BICDL1: variants seen among roughly 807,000 people sequenced by gnomAD.
The protein encoded by BICDL1 is BICD family like cargo adaptor 1.
In BICDL1, 20 loss-of-function variants were observed where a neutral mutation model predicts 76.8. The ratio of observed to expected loss-of-function variants is 0.26; its 90% CI spans 0.18 to 0.38. BICDL1 has a LOEUF of 0.38. Ranked by LOEUF, BICDL1 falls within the 10% of genes least tolerant of loss-of-function variation. The pLI, the probability that BICDL1 is intolerant of heterozygous loss-of-function variation, is 1.00. For missense variants in BICDL1, 700 were observed against 798.6 expected (o/e 0.88, Z 1.49); for synonymous variants, 383 against 337.1 (o/e 1.14, Z -1.49).
intron 2 of BICDL1, among the ~76,000 whole-genome samples, chr12:120,016,434 C>CTT (rs1174613877): frequency 0.013 from 1,237 of 95,618 alleles, no homozygotes; most frequent in Non-Finnish European, 0.017. Context: ...TGTCTGTAAC[C>CTT]TTTTTTTTTT....
At chr12:119,993,707 C>T (rs1951576736) in intron 1 of BICDL1, among the ~76,000 whole-genome samples, 1 of 151,912 alleles carries the variant, frequency 6.6e-6, no homozygotes, top group Non-Finnish European at 1.5e-5. Context: ...ACCTCTCTGC[C>T]TCCTGGATTC....
intron 2 of BICDL1, among the ~76,000 whole-genome samples, chr12:120,004,115 C>G (rs1951810381): frequency 6.6e-6 from 1 of 152,184 alleles, no homozygotes; most frequent in African/African-American, 2.4e-5. Context: ...CTGTGCAGCC[C>G]TGATGGCTTC....
chr12:120,014,943 C>CA (rs1304890850), intron 2 of BICDL1, among the ~76,000 whole-genome samples: 14 of 151,694 alleles, frequency 9.2e-5, no homozygotes. Context: ...TGAGTGAAAA[C>CA]ATGTCTTCTG....
chr12:120,092,933 C>T, intron 9 of BICDL1, 67 bp from the exon 10 acceptor site: 2 of 1,490,566 alleles, frequency 1.3e-6, no homozygotes, highest in Non-Finnish European at 1.8e-6. Context: ...TCCCACCTCC[C>T]TGTCCAGCCC....
At chr12:120,045,978 A>C (rs1441556775) in intron 2 of BICDL1, among the ~76,000 whole-genome samples, 1 of 152,022 alleles carries the variant, frequency 6.6e-6, no homozygotes, top group East Asian at 1.9e-4. Flanking sequence ...AGCCCAAGAT[A>C]GTCATAGTAT....
intron 2 of BICDL1, among the ~76,000 whole-genome samples, chr12:120,014,880 C>T (rs1952029002): frequency 1.3e-5 from 2 of 151,576 alleles, no homozygotes; most frequent in African/African-American, 4.8e-5. Context: ...TGTTACTTCC[C>T]TAAAATGAAA....
Position 119,989,915 on chromosome 12 carries a change from C to T in BICDL1, c.47C>T (p.Ala16Val). 1.4e-6 allele frequency: 2 copies of T among 1,460,014 alleles called. No homozygotes were observed. Among genetic ancestry groups the T allele is most frequent in the East Asian group, 2.9e-5 (1 of 34,580 alleles). 90.4% of individuals were successfully genotyped at this position (1,460,014 alleles called of 1,614,324 possible). A position where few individuals can be genotyped will look rare whatever the true frequency, so the allele number is the denominator to read the frequency against. ...TTGGTCGGCCGCGCTTCAGCACCCG[C>T]CGAGCCGGACAGCGCCTGCTGCATG... Reference protein sequence around the residue: ...LGLVGRASAPAEPDSACCMEL... With the variant: ...LGLVGRASAPVEPDSACCMEL... Residue 16 changes from alanine (A) to valine (V), a missense_variant, in exon 1 of 10, where the codon GCC becomes GTC. Physicochemically the swap from Ala to Val is moderately conservative, Grantham distance 64 (BLOSUM62 0). Coordinates refer to ENST00000548673, the MANE Select transcript of BICDL1 (RefSeq NM_001367886.1).
At chr12:120,010,233 C>A (rs961317591) in intron 2 of BICDL1, among the ~76,000 whole-genome samples, 1 of 152,208 alleles carries the variant, frequency 6.6e-6, no homozygotes, top group African/African-American at 2.4e-5. Flanking sequence ...GCGCTTGTAA[C>A]TGCTTCACTG....
intron 7 of BICDL1, among the ~76,000 whole-genome samples, chr12:120,077,616 T>C (rs1873656524): frequency 6.6e-6 from 1 of 152,224 alleles, no homozygotes; most frequent in Admixed American, 6.5e-5. Context: ...GGCATGAACA[T>C]GCAGAGAGTG....
At chr12:120,089,599 C>G (rs188514108) in intron 8 of BICDL1, among the ~76,000 whole-genome samples, 12 of 152,176 alleles carry the variant, frequency 7.9e-5, no homozygotes, top group African/African-American at 2.9e-4. Context: ...TCAGGCTGGT[C>G]TCGAACCCTC....
chr12:120,092,446 C>T (rs1594229328), intron 9 of BICDL1: 1 of 985,462 alleles, frequency 1.0e-6, no homozygotes, highest in East Asian at 1.1e-4. Context: ...AGGGCAGCAC[C>T]CAGGGCATCC....
chr12:120,049,925 C>T (rs543829044), intron 2 of BICDL1, among the ~76,000 whole-genome samples: 11 of 152,328 alleles, frequency 7.2e-5, no homozygotes, highest in Admixed American at 1.3e-4. Flanking sequence ...TACACTCCCA[C>T]CAACAGTGTG....
At chr12:120,092,166 G>C in intron 9 of BICDL1, 3 of 985,436 alleles carry the variant, frequency 3.0e-6, no homozygotes, top group Non-Finnish European at 3.6e-6. Context: ...CTTACCCAGA[G>C]TCAGAATCTA....
intron 2 of BICDL1, among the ~76,000 whole-genome samples, chr12:120,012,179 G>C (rs950271393): frequency 6.6e-6 from 1 of 152,186 alleles, no homozygotes; most frequent in African/African-American, 2.4e-5. Context: ...GAAATAGAGA[G>C]AGGTTGAGAT....
chr12:120,012,001 C>A (rs988011093), intron 2 of BICDL1, among the ~76,000 whole-genome samples: 1 of 152,170 alleles, frequency 6.6e-6, no homozygotes, highest in Admixed American at 6.5e-5. Context: ...TGTACGTATG[C>A]GATCTCTGTT....
intron 2 of BICDL1, among the ~76,000 whole-genome samples, chr12:120,056,757 T>C (rs187482098): frequency 6.6e-6 from 1 of 150,446 alleles, no homozygotes; most frequent in Non-Finnish European, 1.5e-5. Flanking sequence ...GAAAGAAAGA[T>C]TTGGGCAGAG....
At chr12:120,092,947 G>A in intron 9 of BICDL1, 53 bp from the exon 10 acceptor site, 1 of 1,501,016 alleles carries the variant, frequency 6.7e-7, no homozygotes, top group Non-Finnish European at 8.9e-7. Context: ...CCAGCCCCAG[G>A]GTTAGGTGAG....
At chr12:120,088,040 T>C (rs1874576245) in intron 8 of BICDL1, among the ~76,000 whole-genome samples, 1 of 152,030 alleles carries the variant, frequency 6.6e-6, no homozygotes, top group Non-Finnish European at 1.5e-5. Context: ...AGTGATCTCC[T>C]ACCTCAGCCT....
intron 2 of BICDL1, among the ~76,000 whole-genome samples, chr12:120,054,868 A>G (rs1228446847): frequency 2.0e-5 from 3 of 152,320 alleles, no homozygotes; most frequent in Middle Eastern, 3.4e-3. Context: ...CAGCAGAGCA[A>G]GACTTCATCT....
Sources: allele counts gnomAD v4.1 joint callset (sites outside exome capture counted in the v4.1 genomes callset), GRCh38; gene constraint gnomAD v4.1.1; transcripts MANE v1.5; gene names NCBI Gene and HGNC (gene_info 2026-07-23, HGNC 2026-07-21).